Variants in LRFN2 observed in about 807,000 individuals in gnomAD.
The protein encoded by LRFN2 is leucine-rich repeat and fibronectin type-III domain-containing protein 2.
A neutral mutation model predicts 37.3 loss-of-function variants in LRFN2; 18 were observed. The ratio of observed to expected loss-of-function variants is 0.48; its 90% CI spans 0.33 to 0.72. The LOEUF (loss-of-function observed/expected upper bound fraction) is 0.72. Among genes scored for constraint, LRFN2 ranks in the 30% least tolerant of loss-of-function variants. The probability of loss-of-function intolerance (pLI) is 0.02; values close to 1 mark genes in which losing one functional copy is unlikely to be tolerated. For missense variants in LRFN2, 1,006 were observed against 1,060.7 expected (o/e 0.95, Z 0.72); for synonymous variants, 556 against 466.6 (o/e 1.19, Z -2.47).
chr6:40,439,741 T>C (rs568302708), intron 1 of LRFN2, among the ~76,000 whole-genome samples: 2 of 152,298 alleles, frequency 1.3e-5, no homozygotes, highest in African/African-American at 4.8e-5. Flanking sequence ...ATAGAGATTC[T>C]TCTAGAATCT....
At position 40,580,883 on chromosome 6, in the gene LRFN2, G is replaced by A. The variant is rs538097442; in HGVS notation, c.-19+6058C>T. Among the ~76,000 whole-genome samples the A allele has an allele frequency of 2.0e-5, 3 of 152,336 alleles. No individual in the cohort carries two copies. In the East Asian group the frequency reaches 5.8e-4, roughly 29 times the overall value. On this transcript the variant is annotated intron_variant, in intron 1 of 2. Coordinates refer to ENST00000338305, the MANE Select transcript of LRFN2 (RefSeq NM_020737.3). ...TGTACAAGTGTGAGTATTTGGGAGTGTGTATATGTATGTGAACGTATGTGT... is the reference window on the plus strand; with the variant it reads ...TGTACAAGTGTGAGTATTTGGGAGTATGTATATGTATGTGAACGTATGTGT...
chr6:40,488,423 A>G (rs1285372546), intron 1 of LRFN2, among the ~76,000 whole-genome samples: 2 of 150,836 alleles, frequency 1.3e-5, no homozygotes, highest in African/African-American at 4.9e-5. Context: ...ATGAGAAGTG[A>G]TCCTGTCCTC....
At chr6:40,479,639 G>A (rs908324256) in intron 1 of LRFN2, among the ~76,000 whole-genome samples, 2 of 152,140 alleles carry the variant, frequency 1.3e-5, no homozygotes, top group Non-Finnish European at 2.9e-5. Flanking sequence ...CTAAAACAAC[G>A]TGAAGGAAGA....
chr6:40,548,173 C>A (rs1373146451), intron 1 of LRFN2, among the ~76,000 whole-genome samples: 1 of 152,184 alleles, frequency 6.6e-6, no homozygotes, highest in African/African-American at 2.4e-5. Context: ...GGCACAGTGG[C>A]TCACACCTAT....
chr6:40,489,987 T>C (rs1765050683), intron 1 of LRFN2, among the ~76,000 whole-genome samples: 1 of 152,094 alleles, frequency 6.6e-6, no homozygotes, highest in South Asian at 2.1e-4. Context: ...GCTCCTTCCC[T>C]CTATGCCTCT....
chr6:40,565,622 C>A (rs1767073395), intron 1 of LRFN2, among the ~76,000 whole-genome samples: 1 of 152,072 alleles, frequency 6.6e-6, no homozygotes, highest in East Asian at 1.9e-4. Context: ...CTGACAAAAA[C>A]AAGAAATGGG....
chr6:40,448,037 C>CT (rs1474865170), intron 1 of LRFN2, among the ~76,000 whole-genome samples: 1 of 152,194 alleles, frequency 6.6e-6, no homozygotes, highest in African/African-American at 2.4e-5. Flanking sequence ...GAGGCCCAGC[C>CT]TTTAGGTGTC....
intron 1 of LRFN2, among the ~76,000 whole-genome samples, chr6:40,559,253 G>A (rs929115508): frequency 6.6e-6 from 1 of 152,186 alleles, no homozygotes; most frequent in Admixed American, 6.5e-5. Context: ...GCCCGGCAGT[G>A]AGCCTTCCTG....
intron 2 of LRFN2, among the ~76,000 whole-genome samples, chr6:40,412,655 A>G (rs2113806493): frequency 6.6e-6 from 1 of 152,306 alleles, no homozygotes; most frequent in South Asian, 2.1e-4. Context: ...AGTAATTTCC[A>G]GACTCATTCA....
intron 1 of LRFN2, among the ~76,000 whole-genome samples, chr6:40,497,882 A>C (rs72852023): frequency 0.048 from 7,386 of 152,296 alleles, 264 homozygotes; most frequent in Middle Eastern, 0.11. Flanking sequence ...TTAGAAGGCT[A>C]GAAAAATGTC....
intron 2 of LRFN2, among the ~76,000 whole-genome samples, chr6:40,422,052 A>G (rs2113814998): frequency 6.6e-6 from 1 of 152,292 alleles, no homozygotes; most frequent in East Asian, 1.9e-4. Context: ...TCTTATAGTA[A>G]TCACTCAGAC....
chr6:40,574,627 A>G (rs1306239847), intron 1 of LRFN2, among the ~76,000 whole-genome samples: 1 of 152,194 alleles, frequency 6.6e-6, no homozygotes, highest in African/African-American at 2.4e-5. Flanking sequence ...CCTGTTCCAT[A>G]AATCTCAGGC....
intron 2 of LRFN2, among the ~76,000 whole-genome samples, chr6:40,424,116 C>T (rs1349012572): frequency 1.3e-5 from 2 of 152,178 alleles, no homozygotes; most frequent in Non-Finnish European, 2.9e-5. Flanking sequence ...AGTGGCTTAC[C>T]TGGTGACATG....
At chr6:40,521,251 C>A (rs6930433) in intron 1 of LRFN2, among the ~76,000 whole-genome samples, 4 of 151,956 alleles carry the variant, frequency 2.6e-5, no homozygotes, top group African/African-American at 4.8e-5. Context: ...AGCAGCAAGG[C>A]ACTCTTGAGG....
chr6:40,534,149 C>T (rs959170187), intron 1 of LRFN2, among the ~76,000 whole-genome samples: 5 of 152,196 alleles, frequency 3.3e-5, no homozygotes, highest in African/African-American at 1.2e-4. Context: ...GAACCACTTT[C>T]GAACATTCCA....
intron 1 of LRFN2, among the ~76,000 whole-genome samples, chr6:40,562,477 G>C (rs1374752203): frequency 6.6e-6 from 1 of 152,040 alleles, no homozygotes; most frequent in Non-Finnish European, 1.5e-5. Flanking sequence ...GGGGAGAGAA[G>C]GGAGAGAGAA....
intron 1 of LRFN2, among the ~76,000 whole-genome samples, chr6:40,539,876 T>C (rs1766519800): frequency 6.6e-6 from 1 of 152,186 alleles, no homozygotes; most frequent in Non-Finnish European, 1.5e-5. Context: ...GATGTCATGA[T>C]TCCTGACTCA....
intron 1 of LRFN2, among the ~76,000 whole-genome samples, chr6:40,551,033 G>C (rs2113922538): frequency 6.6e-6 from 1 of 152,314 alleles, no homozygotes; most frequent in South Asian, 2.1e-4. Flanking sequence ...CCAGATGTCG[G>C]TGTAGGGCCT....
At chr6:40,479,018 T>C (rs1334611983) in intron 1 of LRFN2, among the ~76,000 whole-genome samples, 1 of 152,094 alleles carries the variant, frequency 6.6e-6, no homozygotes, top group Non-Finnish European at 1.5e-5. Flanking sequence ...GAGGCACAGG[T>C]TCGGAAATTT....
Sources: gnomAD v4.1 joint callset for allele counts (sites outside exome capture counted in the v4.1 genomes callset) on GRCh38, gnomAD v4.1.1 for gene constraint, MANE v1.5 for transcripts, NCBI Gene and HGNC (gene_info 2026-07-23, HGNC 2026-07-21) for gene names.